Variants in NPTN observed in about 807,000 individuals in gnomAD.
NPTN encodes the protein neuroplastin, also known as SDR-1.
NPTN carries 5 observed loss-of-function variants against 42.7 expected under a neutral mutation model. That is an observed-to-expected ratio of 0.12 (90% confidence interval 0.06 to 0.25). The LOEUF (loss-of-function observed/expected upper bound fraction) is 0.25. Ranked by LOEUF, NPTN falls within the 10% of genes least tolerant of loss-of-function variation. The pLI is 1.00. For synonymous variants in NPTN, 180 were observed against 201.9 expected (o/e 0.89, Z 0.92); for missense variants, 307 against 525.4 (o/e 0.58, Z 4.06).
At chr15:73,596,204 TAAG>T (rs1357442234) in intron 2 of NPTN, among the ~76,000 whole-genome samples, 1 of 152,174 alleles carries the variant, frequency 6.6e-6, no homozygotes, top group Non-Finnish European at 1.5e-5. Flanking sequence ...CAGCAAAACA[TAAG>T]AAGGAAGTCC....
intron 1 of NPTN, among the ~76,000 whole-genome samples, chr15:73,628,320 A>C (rs1898536455): frequency 6.6e-6 from 1 of 152,144 alleles, no homozygotes; most frequent in South Asian, 2.1e-4. Context: ...TCCTTGTACT[A>C]CTGCAGCCTT....
At chr15:73,576,002 G>A (rs531183218) in intron 4 of NPTN, among the ~76,000 whole-genome samples, 2 of 152,124 alleles carry the variant, frequency 1.3e-5, no homozygotes, top group South Asian at 2.1e-4. Flanking sequence ...CCACAAAGCC[G>A]AACTTTTCCC....
intron 2 of NPTN, among the ~76,000 whole-genome samples, chr15:73,592,435 T>C (rs987548419): frequency 5.9e-5 from 9 of 152,192 alleles, no homozygotes; most frequent in Admixed American, 1.3e-4. Flanking sequence ...GAATACCACC[T>C]TTTTATAAGA....
chr15:73,616,868 A>AT (rs1897888008), intron 1 of NPTN, among the ~76,000 whole-genome samples: 1 of 152,202 alleles, frequency 6.6e-6, no homozygotes. Flanking sequence ...CATGGCTAAG[A>AT]TATTAAATGT....
chr15:73,615,173 TA>T (rs1204125476), intron 1 of NPTN, among the ~76,000 whole-genome samples: 1 of 148,044 alleles, frequency 6.8e-6, no homozygotes, highest in Middle Eastern at 3.5e-3. Context: ...TTTTTTTTTT[TA>T]AAGATAATCT....
At chr15:73,614,460 T>G (rs1595959163) in intron 1 of NPTN, among the ~76,000 whole-genome samples, 1 of 152,378 alleles carries the variant, frequency 6.6e-6, no homozygotes, top group East Asian at 1.9e-4. Flanking sequence ...AGCTTTAATA[T>G]TCAGCAAATC....
intron 6 of NPTN, chr15:73,568,968 T>C (rs1025902723): frequency 1.0e-6 from 1 of 985,404 alleles, no homozygotes; most frequent in African/African-American, 1.7e-5. Flanking sequence ...GCCACATTCT[T>C]TCTGAGGGAG....
chr15:73,560,818 A>C lies in NPTN; in HGVS notation c.*245T>G, dbSNP rs180851622. 1 of 148,574 alleles carries C rather than the reference A, an allele frequency of 6.7e-6. No homozygotes were observed. Among genetic ancestry groups the C allele is most frequent in the Non-Finnish European group, 1.5e-5 (1 of 66,816 alleles). The allele number at this position is 148,574 out of a possible 1,614,324, so 9.2% of individuals were successfully genotyped here. A position where few individuals can be genotyped will look rare whatever the true frequency, so the allele number is the denominator to read the frequency against. On this transcript the variant is annotated 3_prime_UTR_variant, in exon 9 of 9. Transcript: ENST00000345330. ...TTCTATTTAAATATTTTAACAAAGG[A>C]AAAAAAAAAGCAACATTCACAGCAC...
At chr15:73,567,217 C>T (rs952098048) in intron 6 of NPTN, 42 of 984,746 alleles carry the variant, frequency 4.3e-5, no homozygotes, top group Non-Finnish European at 4.8e-5. Flanking sequence ...CAAAATATGA[C>T]GACTGTGCAT....
At chr15:73,568,221 C>T (rs1441777484) in intron 6 of NPTN, 7 of 985,388 alleles carry the variant, frequency 7.1e-6, no homozygotes, top group South Asian at 4.7e-5. Flanking sequence ...CTCATAAGCG[C>T]GGTGACTTCT....
rs1894583499 is a variant in NPTN, at chr15:73,560,273, T to C, written c.*790A>G. ...AAGGTCATTGGAAACAAAAGAAAAA[T>C]TATAAAAGTTTGCCTTGATTGAATG... On this transcript the variant is annotated 3_prime_UTR_variant, in exon 9 of 9. Coordinates refer to ENST00000345330, the MANE Select transcript of NPTN (RefSeq NM_012428.4). The C allele has an allele frequency of 6.0e-6, 1 of 165,570 alleles. No homozygotes were observed. The highest frequency in any genetic ancestry group is 2.4e-5 in the African/African-American group (1 of 41,600). 10.3% of individuals were successfully genotyped at this position (165,570 alleles called of 1,614,324 possible). A position where few individuals can be genotyped will look rare whatever the true frequency, so the allele number is the denominator to read the frequency against.
At chr15:73,565,644 C>T (rs1894942560) in intron 6 of NPTN, 1 of 401,460 alleles carries the variant, frequency 2.5e-6, no homozygotes, top group Non-Finnish European at 5.1e-6. Flanking sequence ...CAAAAGATAG[C>T]CAGCTTAAAC....
chr15:73,610,605 C>T (rs914764760), intron 1 of NPTN, among the ~76,000 whole-genome samples: 2 of 152,192 alleles, frequency 1.3e-5, no homozygotes, highest in African/African-American at 4.8e-5. Context: ...GCTAAACCAA[C>T]TCCCACTCTG....
Position 73,560,142 on chromosome 15 carries a change from G to C in NPTN, c.*921C>G, listed in dbSNP as rs1328677919. On this transcript the variant is annotated 3_prime_UTR_variant, in exon 9 of 9. Transcript: ENST00000345330. ...ATTACGCACCGCATGAGAACCGTTAGGTTATAAAATCTATCATCAACCAGT... is the reference window on the plus strand; with the variant it reads ...ATTACGCACCGCATGAGAACCGTTACGTTATAAAATCTATCATCAACCAGT... 4.6e-5 allele frequency: 17 copies of C among 373,444 alleles called. No individual in the cohort carries two copies. The highest frequency in any genetic ancestry group is 8.5e-5 in the African/African-American group (4 of 46,786). The allele number at this position is 373,444 out of a possible 1,614,324, so 23.1% of individuals were successfully genotyped here. A position where few individuals can be genotyped will look rare whatever the true frequency, so the allele number is the denominator to read the frequency against.
intron 4 of NPTN, among the ~76,000 whole-genome samples, chr15:73,580,036 T>A (rs1377184351): frequency 6.6e-6 from 1 of 152,124 alleles, no homozygotes. Context: ...AATATACCAA[T>A]TGATGAAGCA....
chr15:73,580,449 T>TAATATATATA (rs59714017), intron 4 of NPTN, among the ~76,000 whole-genome samples: 1 of 136,764 alleles, frequency 7.3e-6, no homozygotes, highest in African/African-American at 2.8e-5. Context: ...ATAATATATA[T>TAATATATATA]GTATATATAC....
At chr15:73,599,755 G>T (rs1490962729) in intron 1 of NPTN, among the ~76,000 whole-genome samples, 1 of 152,132 alleles carries the variant, frequency 6.6e-6, no homozygotes, top group Non-Finnish European at 1.5e-5. Context: ...TGCAGTAAAA[G>T]TATTATTCTG....
intron 5 of NPTN, among the ~76,000 whole-genome samples, chr15:73,572,622 G>T (rs1474021244): frequency 1.3e-5 from 2 of 151,946 alleles, no homozygotes; most frequent in East Asian, 3.9e-4. Context: ...TCCTCAGGTT[G>T]CCCCAATTCC....
At chr15:73,616,027 T>C (rs929845641) in intron 1 of NPTN, among the ~76,000 whole-genome samples, 1 of 152,160 alleles carries the variant, frequency 6.6e-6, no homozygotes, top group South Asian at 2.1e-4. Flanking sequence ...AAAAATTATT[T>C]TACTGAATCC....
Sources: allele counts gnomAD v4.1 joint callset (sites outside exome capture counted in the v4.1 genomes callset), GRCh38; gene constraint gnomAD v4.1.1; transcripts MANE v1.5; gene names NCBI Gene and HGNC (gene_info 2026-07-23, HGNC 2026-07-21).